The following ERBB4 variants were observed in gnomAD, a reference collection of about 807,000 sequenced individuals.
ERBB4 encodes the protein receptor tyrosine-protein kinase erbB-4.
ERBB4 carries 42 observed loss-of-function variants against 158.0 expected under a neutral mutation model. The ratio of observed to expected loss-of-function variants is 0.27; its 90% confidence interval spans 0.21 to 0.34. The LOEUF is 0.34. Among genes scored for constraint, ERBB4 ranks in the 10% least tolerant of loss-of-function variants. ERBB4 has a pLI of 1.00. For synonymous variants in ERBB4, 583 were observed against 558.7 expected (o/e 1.04, Z -0.61); for missense variants, 1,333 against 1,624.1 (o/e 0.82, Z 3.08).
intron 11 of ERBB4, among the ~76,000 whole-genome samples, chr2:211,702,711 A>C (rs548386500): frequency 3.1e-4 from 47 of 152,296 alleles, no homozygotes; most frequent in African/African-American, 9.9e-4. Flanking sequence ...AATGTAAAGA[A>C]TCAAACTAAA....
intron 19 of ERBB4, among the ~76,000 whole-genome samples, chr2:211,595,771 G>C (rs1435529562): frequency 6.6e-6 from 1 of 152,168 alleles, no homozygotes; most frequent in East Asian, 1.9e-4. Context: ...CTGCAATATA[G>C]TATTGCTGAG....
intron 4 of ERBB4, among the ~76,000 whole-genome samples, chr2:211,772,955 A>ATATATATATATTT (rs1553630145): frequency 9.6e-5 from 8 of 83,294 alleles, no homozygotes; most frequent in South Asian, 9.7e-4. Context: ...ATATATATAT[A>ATATATATATATTT]TTTTTTTTTT....
chr2:211,528,171 C>A (rs1190585978), intron 20 of ERBB4, among the ~76,000 whole-genome samples: 1 of 151,890 alleles, frequency 6.6e-6, no homozygotes, highest in Non-Finnish European at 1.5e-5. Flanking sequence ...AAAGATATTC[C>A]ATGCCAATGG....
At chr2:211,853,869 T>C (rs1231926013) in intron 3 of ERBB4, among the ~76,000 whole-genome samples, 3 of 152,118 alleles carry the variant, frequency 2.0e-5, no homozygotes, top group Non-Finnish European at 4.4e-5. Context: ...TTAGTTATAA[T>C]GACTTAAAAA....
At chr2:211,539,351 A>C (rs2066737672) in intron 20 of ERBB4, among the ~76,000 whole-genome samples, 2 of 151,952 alleles carry the variant, frequency 1.3e-5, no homozygotes, top group African/African-American at 4.8e-5. Flanking sequence ...AACTTTGCAA[A>C]TGCCTTAATA....
intron 4 of ERBB4, among the ~76,000 whole-genome samples, chr2:211,774,642 C>G (rs1268667873): frequency 6.6e-6 from 1 of 152,126 alleles, no homozygotes; most frequent in Non-Finnish European, 1.5e-5. Context: ...TGTCACTGGG[C>G]AGGCAGTGCC....
intron 3 of ERBB4, among the ~76,000 whole-genome samples, chr2:211,887,421 A>G (rs1249722017): frequency 1.3e-5 from 2 of 152,202 alleles, no homozygotes; most frequent in African/African-American, 4.8e-5. Context: ...CATGGTGTTC[A>G]GTGCCTAATA....
chr2:212,479,356 C>T (rs1168309519), intron 1 of ERBB4, among the ~76,000 whole-genome samples: 1 of 152,098 alleles, frequency 6.6e-6, no homozygotes, highest in Non-Finnish European at 1.5e-5. Flanking sequence ...ATGACCAGGG[C>T]ATCCTATACT....
intron 19 of ERBB4, among the ~76,000 whole-genome samples, chr2:211,562,803 G>A (rs1263898365): frequency 1.8e-5 from 2 of 113,044 alleles, no homozygotes; most frequent in Admixed American, 9.5e-5. Flanking sequence ...ACGGAGTCTC[G>A]CTCTGTCGCC....
At chr2:211,412,306 CTTTG>C in intron 25 of ERBB4, among the ~76,000 whole-genome samples, 1 of 152,192 alleles carries the variant, frequency 6.6e-6, no homozygotes, top group Non-Finnish European at 1.5e-5. Context: ...ATTTCTTCAC[CTTTG>C]TTTGTGGTGG....
At chr2:212,499,756 G>T (rs935699010) in intron 1 of ERBB4, among the ~76,000 whole-genome samples, 1 of 152,098 alleles carries the variant, frequency 6.6e-6, no homozygotes, top group African/African-American at 2.4e-5. Flanking sequence ...AAGCTGGTCT[G>T]GTGAGGAAAT....
intron 2 of ERBB4, among the ~76,000 whole-genome samples, chr2:212,043,530 T>C (rs904773186): frequency 6.6e-6 from 1 of 152,136 alleles, no homozygotes; most frequent in African/African-American, 2.4e-5. Flanking sequence ...GGATTTCAGA[T>C]AAAATGTTAG....
At chr2:211,706,475 T>C (rs907323089) in intron 9 of ERBB4, among the ~76,000 whole-genome samples, 1 of 152,134 alleles carries the variant, frequency 6.6e-6, no homozygotes, top group Non-Finnish European at 1.5e-5. Flanking sequence ...CATGCCAGCA[T>C]TCAAGTCTTG....
At chr2:211,489,645 CATT>C (rs1351712837) in intron 20 of ERBB4, among the ~76,000 whole-genome samples, 1 of 151,850 alleles carries the variant, frequency 6.6e-6, no homozygotes. Context: ...ATAAAATCCT[CATT>C]ACTCATAAAA....
chr2:212,494,772 A>G (rs1390458387), intron 1 of ERBB4, among the ~76,000 whole-genome samples: 1 of 152,092 alleles, frequency 6.6e-6, no homozygotes, highest in Admixed American at 6.6e-5. Flanking sequence ...AGCAATAATG[A>G]CTTCAATGCT....
At chr2:212,247,305 C>T (rs928900008) in intron 1 of ERBB4, among the ~76,000 whole-genome samples, 2 of 152,032 alleles carry the variant, frequency 1.3e-5, no homozygotes, top group South Asian at 4.1e-4. Context: ...AGAATTGCAC[C>T]TTTATGCCCT....
chr2:211,491,277 T>C (rs73069185), intron 20 of ERBB4, among the ~76,000 whole-genome samples: 2,548 of 152,156 alleles, frequency 0.017, 72 homozygotes, highest in African/African-American at 0.059. Flanking sequence ...ATGCAATCAT[T>C]TTGTTTCATG....
chr2:212,200,534 T>G (rs976265302), intron 1 of ERBB4, among the ~76,000 whole-genome samples: 2 of 152,162 alleles, frequency 1.3e-5, no homozygotes, highest in Non-Finnish European at 2.9e-5. Context: ...CATAGATTTA[T>G]TATAAGGATT....
chr2:212,157,108 C>A (rs1409307091), intron 1 of ERBB4, among the ~76,000 whole-genome samples: 1 of 152,088 alleles, frequency 6.6e-6, no homozygotes, highest in East Asian at 1.9e-4. Flanking sequence ...CTTAAAATGG[C>A]ATATCAGACC....
Sources: gnomAD v4.1 joint callset for allele counts (sites outside exome capture counted in the v4.1 genomes callset) on GRCh38, gnomAD v4.1.1 for gene constraint, MANE v1.5 for transcripts, NCBI Gene and HGNC (gene_info 2026-07-23, HGNC 2026-07-21) for gene names.